Variants in PTPRG observed in about 807,000 individuals in gnomAD.
The protein encoded by PTPRG is receptor-type tyrosine-protein phosphatase gamma.
In PTPRG, 102 loss-of-function variants were observed where a neutral mutation model predicts 165.3. The ratio of observed to expected loss-of-function variants is 0.62; its 90% CI spans 0.53 to 0.73. PTPRG has a LOEUF of 0.73. Ranked by LOEUF, PTPRG falls within the 30% of genes least tolerant of loss-of-function variation. The pLI is 0.00. For synonymous variants in PTPRG, 675 were observed against 669.5 expected, an observed-to-expected ratio of 1.01 and a Z score of -0.13; for missense variants, 1,866 against 1,861.4, an observed-to-expected ratio of 1.00 and a Z score of -0.05.
chr3:61,872,870 C>G (rs13316508), intron 2 of PTPRG, among the ~76,000 whole-genome samples: 149 of 152,142 alleles, frequency 9.8e-4, no homozygotes, highest in African/African-American at 3.4e-3. Flanking sequence ...AGTAAAATAC[C>G]CAGCCTTTTA....
chr3:61,678,355 T>A (rs1703310570), intron 1 of PTPRG, among the ~76,000 whole-genome samples: 1 of 152,212 alleles, frequency 6.6e-6, no homozygotes, highest in Non-Finnish European at 1.5e-5. Flanking sequence ...ATAGTCAACA[T>A]GTGTTTTACA....
At chr3:61,785,129 C>T (rs2034655541) in intron 2 of PTPRG, among the ~76,000 whole-genome samples, 1 of 152,190 alleles carries the variant, frequency 6.6e-6, no homozygotes, top group South Asian at 2.1e-4. Flanking sequence ...CAGGCAACTG[C>T]TAACCATTTT....
chr3:61,942,683 G>T (rs1047322829), intron 2 of PTPRG, among the ~76,000 whole-genome samples: 2 of 152,188 alleles, frequency 1.3e-5, no homozygotes, highest in Non-Finnish European at 2.9e-5. Context: ...TTAGCCAGAA[G>T]AGCTAAGTCT....
At chr3:62,031,524 A>T (rs1235149229) in intron 4 of PTPRG, among the ~76,000 whole-genome samples, 1 of 152,190 alleles carries the variant, frequency 6.6e-6, no homozygotes, top group Non-Finnish European at 1.5e-5. Flanking sequence ...ATTTTAAGGG[A>T]GATGAGAATC....
Position 62,243,947 on chromosome 3 carries a change from T to G in PTPRG, c.2467+49T>G, listed in dbSNP as rs757824165. ...TCCAATGGGCTAATTGTTTTTCTCT[T>G]TTATTCTCAGTTTTATGTGATAAAA... is the stretch of plus-strand genomic sequence containing the variant. On this transcript the variant is annotated intron_variant, in intron 15 of 29. Transcript: ENST00000474889. 7 of 1,165,536 alleles carry G rather than the reference T, an allele frequency of 6.0e-6. No individual in the cohort carries two copies. The East Asian group carries it at 1.7e-4, about 28-fold the overall frequency. 72.2% of individuals were successfully genotyped at this position (1,165,536 alleles called of 1,614,324 possible). A position where few individuals can be genotyped will look rare whatever the true frequency, so the allele number is the denominator to read the frequency against.
intron 1 of PTPRG, among the ~76,000 whole-genome samples, chr3:61,628,632 C>G (rs548222859): frequency 6.6e-6 from 1 of 152,274 alleles, no homozygotes; most frequent in East Asian, 1.9e-4. Flanking sequence ...CTGCACCCAG[C>G]CCTGTCAACT....
chr3:61,929,544 C>T (rs932276379), intron 2 of PTPRG, among the ~76,000 whole-genome samples: 1 of 152,248 alleles, frequency 6.6e-6, no homozygotes, highest in Admixed American at 6.5e-5. Flanking sequence ...ATGCATTGCA[C>T]CTAACCGTCC....
At chr3:61,821,168 C>G (rs1346434327) in intron 2 of PTPRG, among the ~76,000 whole-genome samples, 1 of 148,858 alleles carries the variant, frequency 6.7e-6, no homozygotes, top group Non-Finnish European at 1.5e-5. Context: ...GTCTGCTCTT[C>G]TTGTTTTCTT....
At chr3:61,981,401 A>G (rs1408087429) in intron 2 of PTPRG, among the ~76,000 whole-genome samples, 1 of 152,236 alleles carries the variant, frequency 6.6e-6, no homozygotes, top group African/African-American at 2.4e-5. Flanking sequence ...TTGCTGATTC[A>G]ATCTCTTGTC....
In PTPRG at chr3:62,296,271, T is replaced by A. The variant is rs1703059564; in HGVS notation, c.*2964T>A. 5 of 151,946 alleles carry A rather than the reference T, an allele frequency of 3.3e-5. No individual in the cohort carries two copies. The South Asian group carries it at 1.0e-3, about 32-fold the overall frequency. The allele number at this position is 151,946 out of a possible 1,614,324, so 9.4% of individuals were successfully genotyped here. ...CTTTAGAGTTTTTAGTCTATTCAAGTAGAAGAGTCCAGCGAGGCCAAAGAA... is the reference window on the plus strand; with the variant it reads ...CTTTAGAGTTTTTAGTCTATTCAAGAAGAAGAGTCCAGCGAGGCCAAAGAA... On this transcript the variant is annotated 3_prime_UTR_variant, in exon 30 of 30. Transcript: ENST00000474889.
rs375736857 is a variant in PTPRG at position 62,191,497 on chromosome 3, G to A, written c.1062G>A (p.Lys354=). 3.1e-6 allele frequency: 5 copies of A among 1,613,954 alleles called. No homozygotes were observed. The African/African-American group carries it at 5.3e-5, about 17-fold the overall frequency. Residue 354 remains lysine, a synonymous_variant, in exon 9 of 30, where the codon AAG becomes AAA. Transcript: ENST00000474889. ...GCAGCTCTCCACCCATCCACATGAA[G>A]GTGCAGCCTCTGAACCAGACGGCAC... ...KVCSSPPIHM[K]VQPLNQTALQ... is the part of the protein sequence containing the mutation.
intron 2 of PTPRG, among the ~76,000 whole-genome samples, chr3:61,887,160 A>ATT (rs1559670239): frequency 1.6e-5 from 2 of 126,612 alleles, no homozygotes; most frequent in African/African-American, 6.7e-5. Context: ...ATATATATAT[A>ATT]TATATATATA....
At chr3:61,674,945 G>A (rs982907718) in intron 1 of PTPRG, among the ~76,000 whole-genome samples, 5 of 152,132 alleles carry the variant, frequency 3.3e-5, no homozygotes, top group African/African-American at 9.7e-5. Flanking sequence ...CAACACATTC[G>A]TTCTTTTGTG....
intron 2 of PTPRG, among the ~76,000 whole-genome samples, chr3:61,791,695 C>T (rs947554505): frequency 5.3e-5 from 8 of 152,318 alleles, no homozygotes; most frequent in South Asian, 2.1e-4. Flanking sequence ...ACCATGTTGG[C>T]CAGGCTGGTC....
At chr3:61,838,847 T>C (rs1162545695) in intron 2 of PTPRG, among the ~76,000 whole-genome samples, 1 of 152,222 alleles carries the variant, frequency 6.6e-6, no homozygotes, top group Non-Finnish European at 1.5e-5. Context: ...ATTGATAGCA[T>C]GTTATTAGTG....
intron 1 of PTPRG, among the ~76,000 whole-genome samples, chr3:61,618,706 A>C (rs993500832): frequency 6.6e-6 from 1 of 152,232 alleles, no homozygotes; most frequent in Admixed American, 6.5e-5. Context: ...CTTTTTAAAC[A>C]ATTGATCAGA....
At chr3:62,114,934 C>A (rs544059970) in intron 5 of PTPRG, among the ~76,000 whole-genome samples, 1 of 152,156 alleles carries the variant, frequency 6.6e-6, no homozygotes, top group Non-Finnish European at 1.5e-5. Context: ...GCCACCACAC[C>A]CAGCCATAAA....
At chr3:61,578,943 G>C (rs546455467) in intron 1 of PTPRG, among the ~76,000 whole-genome samples, 3 of 152,176 alleles carry the variant, frequency 2.0e-5, no homozygotes, top group Non-Finnish European at 2.9e-5. Flanking sequence ...GTTCTTTTAC[G>C]AGGGATAAAC....
chr3:61,797,370 T>C (rs1559617174), intron 2 of PTPRG, among the ~76,000 whole-genome samples: 1 of 152,202 alleles, frequency 6.6e-6, no homozygotes, highest in East Asian at 1.9e-4. Context: ...AAATCATTGG[T>C]GTCTGACTTC....
Sources: gnomAD v4.1 joint callset for allele counts (sites outside exome capture counted in the v4.1 genomes callset) on GRCh38, gnomAD v4.1.1 for gene constraint, MANE v1.5 for transcripts, NCBI Gene and HGNC (gene_info 2026-07-23, HGNC 2026-07-21) for gene names.